ATL1: variants seen among roughly 807,000 people sequenced by gnomAD.
ATL1 encodes the protein atlastin-1.
Under a neutral mutation model 75.5 loss-of-function variants are expected in ATL1, and 31 were observed. The ratio of observed to expected loss-of-function variants is 0.41; its 90% CI spans 0.31 to 0.55. The LOEUF (loss-of-function observed/expected upper bound fraction) is 0.55. Ranked by LOEUF, ATL1 falls within the 20% of genes least tolerant of loss-of-function variation. The pLI is 0.27. For synonymous variants in ATL1, 226 were observed against 233.3 expected, an observed-to-expected ratio of 0.97 and a Z score of 0.28; for missense variants, 405 against 662.6, an observed-to-expected ratio of 0.61 and a Z score of 4.27.
At chr14:50,617,572 C>G (rs2039427118) in intron 8 of ATL1, among the ~76,000 whole-genome samples, 1 of 152,190 alleles carries the variant, frequency 6.6e-6, no homozygotes, top group Admixed American at 6.5e-5. Context: ...TACAGCAATA[C>G]TATACTAGTG....
intron 6 of ATL1, among the ~76,000 whole-genome samples, chr14:50,602,403 A>T (rs1257031966): frequency 3.3e-5 from 5 of 152,192 alleles, no homozygotes; most frequent in Non-Finnish European, 7.3e-5. Context: ...ACCCTGTATT[A>T]TACCTTTAAA....
At chr14:50,629,640 C>T (rs984128436) in intron 12 of ATL1, among the ~76,000 whole-genome samples, 1 of 151,394 alleles carries the variant, frequency 6.6e-6, no homozygotes, top group African/African-American at 2.4e-5. Context: ...TGTAACGTGC[C>T]TTTGAAGGAT....
intron 6 of ATL1, among the ~76,000 whole-genome samples, chr14:50,596,937 C>T (rs1220984239): frequency 6.6e-6 from 1 of 152,050 alleles, no homozygotes; most frequent in Non-Finnish European, 1.5e-5. Flanking sequence ...AGGCTGGGCA[C>T]ATTGGCTCAC....
chr14:50,567,174 A>T (rs1443983000), intron 1 of ATL1, among the ~76,000 whole-genome samples: 1 of 151,902 alleles, frequency 6.6e-6, no homozygotes, highest in East Asian at 1.9e-4. Context: ...ACTTTCTTTC[A>T]CTATGACTTT....
chr14:50,567,360 C>G (rs2038914272), intron 1 of ATL1, among the ~76,000 whole-genome samples: 1 of 152,106 alleles, frequency 6.6e-6, no homozygotes, highest in Non-Finnish European at 1.5e-5. Context: ...TTTATCCATT[C>G]ATCTGTTGAC....
intron 1 of ATL1, among the ~76,000 whole-genome samples, chr14:50,545,335 A>G (rs560334518): frequency 2.8e-4 from 42 of 152,306 alleles, no homozygotes; most frequent in Middle Eastern, 6.8e-3. Flanking sequence ...TTGGGAGACC[A>G]TTATTCTATA....
At chr14:50,632,091 TA>T in intron 13 of ATL1, 137 bp from the exon 14 acceptor site, 1 of 566,610 alleles carries the variant, frequency 1.8e-6, no homozygotes, top group Non-Finnish European at 3.1e-6. Context: ...AATTTTAAGA[TA>T]ATAATTTATA....
At chr14:50,571,348 C>G (rs2038953656) in intron 1 of ATL1, among the ~76,000 whole-genome samples, 1 of 152,126 alleles carries the variant, frequency 6.6e-6, no homozygotes, top group African/African-American at 2.4e-5. Flanking sequence ...ATGTGTAGCT[C>G]CTGCTAAGCT....
At chr14:50,546,325 A>G (rs902035915) in intron 1 of ATL1, among the ~76,000 whole-genome samples, 1 of 152,128 alleles carries the variant, frequency 6.6e-6, no homozygotes, top group African/African-American at 2.4e-5. Flanking sequence ...TGAGTTTATA[A>G]TACTATCTCA....
At chr14:50,617,782 T>A (rs1021461918) in intron 8 of ATL1, among the ~76,000 whole-genome samples, 1 of 152,238 alleles carries the variant, frequency 6.6e-6, no homozygotes, top group Non-Finnish European at 1.5e-5. Context: ...CAAAGCTTAT[T>A]AATGCCCCTC....
chr14:50,540,140 G>T (rs780742975), intron 1 of ATL1, among the ~76,000 whole-genome samples: 1 of 152,160 alleles, frequency 6.6e-6, no homozygotes, highest in Non-Finnish European at 1.5e-5. Flanking sequence ...AGGTCAGGTG[G>T]CTCAACTGTC....
At chr14:50,630,932 A>G in intron 13 of ATL1, 1 of 455,828 alleles carries the variant, frequency 2.2e-6, no homozygotes, top group Non-Finnish European at 4.4e-6. Context: ...ACATTCACAG[A>G]TCTGAAGATG....
Position 50,587,992 on chromosome 14 carries a change from G to C in ATL1, c.196G>C (p.Glu66Gln), listed in dbSNP as rs200314808. The C allele has an allele frequency of 6.4e-5, 103 of 1,614,064 alleles. No individual in the cohort carries two copies. Among genetic ancestry groups the C allele is most frequent in the Non-Finnish European group, 8.5e-5 (100 of 1,180,050 alleles). Residue 66 changes from glutamate (E) to glutamine (Q), a missense_variant, in exon 2 of 14, where the codon GAG becomes CAG. Around this residue, in one of 5 missense-constraint regions of ATL1, gnomAD observed 126 missense variants for 172.0 expected, o/e 0.73. Coordinates refer to ENST00000358385, the MANE Select transcript of ATL1 (RefSeq NM_015915.5). ...TCTCTCGGAGGCTGTCAGAGACAAGGAGGTTGTTGCTGTATCTGTTGCTGG... is the reference window on the plus strand; with the variant it reads ...TCTCTCGGAGGCTGTCAGAGACAAGCAGGTTGTTGCTGTATCTGTTGCTGG... ...ILLSEAVRDKEVVAVSVAGAF... is the reference protein window; with the variant it reads ...ILLSEAVRDKQVVAVSVAGAF...
rs532780456 is a variant in ATL1 at position 50,546,912 on chromosome 14, C to A, written c.-139-13215C>A. ...TGCAGGTTTGTTACATAGGCATACA[C>A]GTGCCATAGTGGTTTGCTGCACCCA... On this transcript the variant is annotated intron_variant, in intron 1 of 13. Coordinates refer to the ATL1 transcript ENST00000441560. 5.8e-3 allele frequency among the ~76,000 whole-genome samples: 883 copies of A among 152,088 alleles called. 7 individuals carry two copies. Among genetic ancestry groups the A allele is most frequent in the Non-Finnish European group, 9.4e-3 (642 of 67,996 alleles).
At chr14:50,625,933 T>C (rs1356476753) in intron 11 of ATL1, among the ~76,000 whole-genome samples, 1 of 151,652 alleles carries the variant, frequency 6.6e-6, no homozygotes. Context: ...AATCATGCTA[T>C]ACCTACTCGT....
chr14:50,620,875 C>G, intron 9 of ATL1, 149 bp downstream of exon 9: 1 of 977,956 alleles, frequency 1.0e-6, no homozygotes, highest in Non-Finnish European at 1.5e-6. Flanking sequence ...TTCTAAAAAG[C>G]TTTTTCAAAA....
intron 1 of ATL1, among the ~76,000 whole-genome samples, chr14:50,576,707 C>T (rs1157234972): frequency 6.6e-6 from 1 of 152,094 alleles, no homozygotes; most frequent in African/African-American, 2.4e-5. Flanking sequence ...TCCTGAGTAA[C>T]TAGGACTACA....
Position 50,617,002 on chromosome 14 carries a change from A to G in ATL1, c.862+2491A>G, listed in dbSNP as rs1330786447. Among the ~76,000 whole-genome samples the G allele has an allele frequency of 4.4e-4, 67 of 152,226 alleles. 1 individual carries two copies. Among genetic ancestry groups the G allele is most frequent in the Non-Finnish European group, 1.5e-5 (1 of 68,046 alleles). ...TCTCACTGGTTGCCTCTAGTGAAGAAAAGTCTCCGAATAAACAATTATGCA... is the reference window on the plus strand; with the variant it reads ...TCTCACTGGTTGCCTCTAGTGAAGAGAAGTCTCCGAATAAACAATTATGCA... On this transcript the variant is annotated intron_variant, in intron 8 of 13. Coordinates refer to ENST00000358385, the MANE Select transcript of ATL1 (RefSeq NM_015915.5).
chr14:50,539,396 G>A (rs1196814607), intron 1 of ATL1, among the ~76,000 whole-genome samples: 1 of 152,226 alleles, frequency 6.6e-6, no homozygotes, highest in Non-Finnish European at 1.5e-5. Context: ...CAAATACCAG[G>A]CATGAATAGA....
Sources: gnomAD v4.1 joint callset for allele counts (sites outside exome capture counted in the v4.1 genomes callset) on GRCh38, gnomAD v4.1.1 for gene constraint, gnomAD v4.1.1 regional missense constraint, MANE v1.5 for transcripts, NCBI Gene and HGNC (gene_info 2026-07-23, HGNC 2026-07-21) for gene names.